SORBS2: variants seen among roughly 807,000 people sequenced by gnomAD.
SORBS2 encodes sorbin and SH3 domain containing 2, also known as sorbin and SH3 domain-containing protein 2.
Under a neutral mutation model 97.7 loss-of-function variants are expected in SORBS2, and 46 were observed. The observed-to-expected ratio is 0.47, with a 90% CI of 0.37 to 0.60. The LOEUF (loss-of-function observed/expected upper bound fraction) is 0.60, where lower values mean the gene tolerates loss of function less well. Among genes scored for constraint, SORBS2 ranks in the 20% least tolerant of loss-of-function variants. The pLI, the probability that SORBS2 is intolerant of heterozygous loss-of-function variation, is 0.00. For missense variants in SORBS2, 1,316 were observed against 1,282.3 expected (o/e 1.03, Z -0.40); for synonymous variants, 476 against 473.4 (o/e 1.01, Z -0.07).
chr4:185,716,194 C>G (rs1259064995), intron 2 of SORBS2, among the ~76,000 whole-genome samples: 1 of 152,240 alleles, frequency 6.6e-6, no homozygotes. Context: ...TCCCGTAACA[C>G]CTGCTGCTGG....
chr4:185,807,739 T>C (rs2153664156), intron 1 of SORBS2, among the ~76,000 whole-genome samples: 1 of 152,372 alleles, frequency 6.6e-6, no homozygotes, highest in East Asian at 1.9e-4. Context: ...AAAACATATT[T>C]TGAAAACATA....
Position 185,713,018 on chromosome 4 carries a change from C to A in SORBS2, c.-197-34196G>T, listed in dbSNP as rs557891318. On this transcript the variant is annotated intron_variant, in intron 2 of 20. Coordinates refer to the SORBS2 transcript ENST00000284776. The stretch of plus-strand genomic sequence containing the variant: ...CTGCGTTCCACTGTTCCCAAAGTAT[C>A]CAGAGTGATGCTCAAACATCTGAGA... Among the ~76,000 whole-genome samples, 9 of 152,258 alleles carry A rather than the reference C, an allele frequency of 5.9e-5. No individual in the cohort carries two copies. The South Asian group carries it at 1.5e-3, about 25-fold the overall frequency.
At chr4:185,597,902 T>C (rs2153373126) in intron 12 of SORBS2, among the ~76,000 whole-genome samples, 1 of 152,332 alleles carries the variant, frequency 6.6e-6, no homozygotes, top group South Asian at 2.1e-4. Context: ...CAGAGTGATG[T>C]GGAATAGACA....
intron 1 of SORBS2, among the ~76,000 whole-genome samples, chr4:185,780,140 C>T (rs530182306): frequency 1.1e-3 from 169 of 151,670 alleles, no homozygotes; most frequent in African/African-American, 3.6e-3. Flanking sequence ...CTCAGCCTCC[C>T]GAATAGCTGG....
chr4:185,820,091 C>T (rs1051359131), intron 1 of SORBS2, among the ~76,000 whole-genome samples: 36 of 152,146 alleles, frequency 2.4e-4, no homozygotes, highest in Admixed American at 5.9e-4. Flanking sequence ...ACTGGGTGGG[C>T]ACGGACCTCC....
intron 1 of SORBS2, among the ~76,000 whole-genome samples, chr4:185,852,502 C>T (rs2099218473): frequency 6.6e-6 from 1 of 152,144 alleles, no homozygotes; most frequent in South Asian, 2.1e-4. Flanking sequence ...TTGAGTCTAT[C>T]CTAGAAAACT....
chr4:185,806,668 C>T (rs1458599566), intron 1 of SORBS2, among the ~76,000 whole-genome samples: 2 of 151,520 alleles, frequency 1.3e-5, no homozygotes, highest in African/African-American at 2.4e-5. Context: ...CCGTTTTAGC[C>T]GGGATGGTCT....
intron 1 of SORBS2, among the ~76,000 whole-genome samples, chr4:185,793,828 C>T (rs1224904432): frequency 6.6e-6 from 1 of 152,184 alleles, no homozygotes; most frequent in African/African-American, 2.4e-5. Flanking sequence ...ATGATCTATG[C>T]ACAGCATCCT....
At chr4:185,920,569 T>G (rs28674702) in intron 1 of SORBS2, among the ~76,000 whole-genome samples, 114,766 of 152,044 alleles carry the variant, frequency 0.75, 43,476 homozygotes, top group Middle Eastern at 0.84. Context: ...AGAATAGAGC[T>G]TGTATGCCTC....
chr4:185,639,361 AT>A (rs2097090684), intron 4 of SORBS2, among the ~76,000 whole-genome samples: 2 of 152,210 alleles, frequency 1.3e-5, no homozygotes, highest in African/African-American at 4.8e-5. Context: ...CGATGTTCTA[AT>A]TTAGAGAAAA....
intron 5 of SORBS2, among the ~76,000 whole-genome samples, chr4:185,628,786 A>G (rs561157609): frequency 1.3e-5 from 2 of 152,348 alleles, no homozygotes; most frequent in East Asian, 3.9e-4. Context: ...TAATCTGGTC[A>G]GCAAATTAAC....
At chr4:185,781,524 C>A (rs2099029087) in intron 1 of SORBS2, among the ~76,000 whole-genome samples, 1 of 151,856 alleles carries the variant, frequency 6.6e-6, no homozygotes, top group Non-Finnish European at 1.5e-5. Flanking sequence ...TTGCCTCCCG[C>A]CTCTCCAGCC....
chr4:185,801,477 C>G (rs942858909), intron 1 of SORBS2, among the ~76,000 whole-genome samples: 10 of 152,208 alleles, frequency 6.6e-5, no homozygotes, highest in Admixed American at 1.3e-4. Context: ...CTCACCAACA[C>G]TCGTTATCTT....
chr4:185,607,094 C>A lies in SORBS2; in HGVS notation c.2796+4686G>T. The A allele has an allele frequency of 9.5e-7, 1 of 1,057,678 alleles. No homozygotes were observed. The highest frequency in any genetic ancestry group is 1.1e-6 in the Non-Finnish European group (1 of 872,028). 65.5% of individuals were successfully genotyped at this position (1,057,678 alleles called of 1,614,324 possible). A position where few individuals can be genotyped will look rare whatever the true frequency, so the allele number is the denominator to read the frequency against. On this transcript the variant is annotated intron_variant, in intron 12 of 14. Coordinates refer to ENST00000418609, the Ensembl canonical transcript of SORBS2. The surrounding 1 kb of genome is among the most constrained non-coding windows in gnomAD (Gnocchi z 5.2). The stretch of plus-strand genomic sequence containing the variant: ...GACAATGGGAGGAGGACAGCAGGTT[C>A]CTCCTTAATTTCCAGGATGGCGTCC...
intron 2 of SORBS2, among the ~76,000 whole-genome samples, chr4:185,696,919 A>T (rs1172737288): frequency 1.3e-5 from 2 of 152,230 alleles, no homozygotes; most frequent in Non-Finnish European, 2.9e-5. Flanking sequence ...AGCCAAAAAA[A>T]TTTCTAATGA....
At chr4:185,751,659 A>ACGTT (rs1159585413) in intron 2 of SORBS2, among the ~76,000 whole-genome samples, 1 of 152,144 alleles carries the variant, frequency 6.6e-6, no homozygotes, top group East Asian at 1.9e-4. Context: ...GTGTGTGTGC[A>ACGTT]CACGTACACA....
chr4:185,913,799 C>A (rs781129623), intron 1 of SORBS2, among the ~76,000 whole-genome samples: 1 of 152,122 alleles, frequency 6.6e-6, no homozygotes, highest in Non-Finnish European at 1.5e-5. Flanking sequence ...ATGGTTTAGT[C>A]TGAATGTAAT....
At chr4:185,843,918 T>C (rs6835880) in intron 1 of SORBS2, among the ~76,000 whole-genome samples, 82,353 of 152,062 alleles carry the variant, frequency 0.54, 22,812 homozygotes, top group East Asian at 0.79. Context: ...GCCTAAGCAA[T>C]GTTGAGAAAG....
chr4:185,919,201 A>G (rs1163219395), intron 1 of SORBS2: 3 of 152,200 alleles, frequency 2.0e-5, no homozygotes, highest in Non-Finnish European at 4.4e-5. Flanking sequence ...CCACTTACAT[A>G]GTTCAATCCC....
Sources: allele counts gnomAD v4.1 joint callset (sites outside exome capture counted in the v4.1 genomes callset), GRCh38; gene constraint gnomAD v4.1.1; non-coding constraint Gnocchi (gnomAD v3.1); transcripts MANE v1.5; gene names NCBI Gene and HGNC (gene_info 2026-07-23, HGNC 2026-07-21).